The following PANK1 variants were observed in gnomAD, a reference collection of about 807,000 sequenced individuals.
The protein encoded by PANK1 is pantothenic acid kinase 1.
PANK1 carries 18 observed loss-of-function variants against 40.1 expected under a neutral mutation model. The ratio of observed to expected loss-of-function variants is 0.45; its 90% CI spans 0.31 to 0.67. The LOEUF is 0.67. PANK1 is among the 30% of genes least tolerant of loss of function. The pLI, the probability that PANK1 is intolerant of heterozygous loss-of-function variation, is 0.06. For synonymous variants in PANK1, 242 were observed against 237.7 expected, an observed-to-expected ratio of 1.02 and a Z score of -0.17; for missense variants, 457 against 599.6, an observed-to-expected ratio of 0.76 and a Z score of 2.48.
chr10:89,593,725 T>C, intron 4 of PANK1, 88 bp downstream of exon 4: 1 of 977,720 alleles, frequency 1.0e-6, no homozygotes, highest in Non-Finnish European at 1.6e-6. Context: ...GCTGGTGGAC[T>C]GACATTTTAA....
At chr10:89,620,624 C>T (rs553633028) in intron 1 of PANK1, among the ~76,000 whole-genome samples, 87 of 152,308 alleles carry the variant, frequency 5.7e-4, no homozygotes, top group African/African-American at 1.9e-3. Flanking sequence ...ATTCTAATTT[C>T]GCCCTGGCCT....
chr10:89,617,825 T>C (rs1845364189), intron 1 of PANK1, among the ~76,000 whole-genome samples: 1 of 152,154 alleles, frequency 6.6e-6, no homozygotes, highest in Non-Finnish European at 1.5e-5. Context: ...TGGAAATAAA[T>C]TGGAATAAAA....
At position 89,584,055 on chromosome 10, in the gene PANK1, C is replaced by T. The variant is rs1416785278; in HGVS notation, c.*351G>A. The T allele has an allele frequency of 5.0e-6, 1 of 198,964 alleles. No individual in the cohort carries two copies. The highest frequency in any genetic ancestry group is 1.0e-5 in the Non-Finnish European group (1 of 98,112). 12.3% of individuals were successfully genotyped at this position (198,964 alleles called of 1,614,324 possible). A position where few individuals can be genotyped will look rare whatever the true frequency, so the allele number is the denominator to read the frequency against. On this transcript the variant is annotated 3_prime_UTR_variant, in exon 7 of 7. Coordinates refer to ENST00000307534, the MANE Select transcript of PANK1 (RefSeq NM_148977.3). ...ATGAAGTTAAAATCACCACACTGAT[C>T]AGTAAACCCCAGAAGAAAAATGACC... is the stretch of plus-strand genomic sequence containing the variant.
intron 3 of PANK1, 88 bp downstream of exon 3, chr10:89,599,164 A>G: frequency 7.8e-7 from 1 of 1,282,988 alleles, no homozygotes; most frequent in Non-Finnish European, 1.1e-6. Flanking sequence ...ATTTCTTTTA[A>G]AAATGTATTC....
Position 89,611,859 on chromosome 10 carries a change from A to T in PANK1, c.482T>A (p.Leu161Gln). The T allele has an allele frequency of 6.2e-7, 1 of 1,614,260 alleles. No individual in the cohort carries two copies. The highest frequency in any genetic ancestry group is 8.5e-7 in the Non-Finnish European group (1 of 1,180,046). The change falls in exon 2 of 7, where the codon CTG (leucine) becomes CAG (glutamine). Residue 161 changes from leucine to glutamine, a missense_variant. This residue lies in a region of PANK1 where 286 missense variants were observed against 415.8 expected (regional missense o/e 0.69). Transcript: ENST00000307534. ...IRDVHLELKNLTMCGRKGNLH... is the reference protein window; with the variant it reads ...IRDVHLELKNQTMCGRKGNLH... ...GTTCCCTTTGCGTCCACACATGGTC[A>T]GGTTTTTCAGTTCCAGGTGGACGTC...
chr10:89,582,794 C>T (rs1417299829), downstream of PANK1: 1 of 152,128 alleles, frequency 6.6e-6, no homozygotes, highest in Non-Finnish European at 1.5e-5. Context: ...CAATAAAGCT[C>T]TATTTTAAAA....
chr10:89,623,004 T>C (rs1330413582), intron 1 of PANK1, among the ~76,000 whole-genome samples: 2 of 152,166 alleles, frequency 1.3e-5, no homozygotes, highest in Non-Finnish European at 2.9e-5. Flanking sequence ...TTTAATGATG[T>C]GAGACAAATG....
At chr10:89,590,915 A>G (rs966551223) in intron 5 of PANK1, among the ~76,000 whole-genome samples, 2 of 152,168 alleles carry the variant, frequency 1.3e-5, no homozygotes, top group Non-Finnish European at 1.5e-5. Context: ...AGAGAGGACC[A>G]GAGGGAGGAG....
chr10:89,606,501 C>A (rs185894011), intron 2 of PANK1, among the ~76,000 whole-genome samples: 1 of 152,226 alleles, frequency 6.6e-6, no homozygotes, highest in East Asian at 1.9e-4. Context: ...CACAAACCAA[C>A]AACCTCTGCT....
At chr10:89,613,490 A>G (rs986314011) in intron 1 of PANK1, among the ~76,000 whole-genome samples, 1 of 152,124 alleles carries the variant, frequency 6.6e-6, no homozygotes, top group African/African-American at 2.4e-5. Flanking sequence ...TGTAAACAAA[A>G]TCTTCTTTCC....
At chr10:89,623,328 T>A (rs1432535080) in intron 1 of PANK1, among the ~76,000 whole-genome samples, 1 of 152,136 alleles carries the variant, frequency 6.6e-6, no homozygotes, top group Non-Finnish European at 1.5e-5. Context: ...TTAACGCCAT[T>A]CTCCTGCCTT....
chr10:89,592,228 G>T (rs1351719092), intron 5 of PANK1, among the ~76,000 whole-genome samples: 3 of 152,168 alleles, frequency 2.0e-5, no homozygotes, highest in Non-Finnish European at 4.4e-5. Context: ...TCAGTGTTAT[G>T]CAAGGAGAGT....
intron 1 of PANK1, among the ~76,000 whole-genome samples, chr10:89,634,195 A>C (rs1457636612): frequency 6.6e-6 from 1 of 152,186 alleles, no homozygotes; most frequent in Admixed American, 6.5e-5. Context: ...TGGAAGCCTC[A>C]CCATACTGCT....
chr10:89,592,592 A>T (rs1452031445), intron 5 of PANK1, among the ~76,000 whole-genome samples: 1 of 152,166 alleles, frequency 6.6e-6, no homozygotes, highest in Non-Finnish European at 1.5e-5. Context: ...CAGTGTGAAG[A>T]GTTCTACTTT....
At chr10:89,625,052 T>C (rs1200499130) in intron 1 of PANK1, among the ~76,000 whole-genome samples, 14 of 152,170 alleles carry the variant, frequency 9.2e-5, no homozygotes, top group Admixed American at 9.2e-4. Flanking sequence ...GTGTGCACTC[T>C]ACCACTTCTG....
chr10:89,613,787 T>C (rs1845233435), intron 1 of PANK1, among the ~76,000 whole-genome samples: 1 of 152,196 alleles, frequency 6.6e-6, no homozygotes, highest in African/African-American at 2.4e-5. Context: ...ATGAAGTCTG[T>C]TGGTTTATTC....
chr10:89,589,064 T>G (rs183526930), intron 5 of PANK1, among the ~76,000 whole-genome samples: 11 of 152,292 alleles, frequency 7.2e-5, no homozygotes, highest in Admixed American at 6.5e-4. Flanking sequence ...TCTCAAAACA[T>G]ACGTATATAT....
intron 2 of PANK1, among the ~76,000 whole-genome samples, chr10:89,599,715 G>A (rs1844718429): frequency 6.6e-6 from 1 of 152,182 alleles, no homozygotes; most frequent in East Asian, 1.9e-4. Context: ...GCATGCTAAA[G>A]GACAAGAGCT....
intron 6 of PANK1, among the ~76,000 whole-genome samples, chr10:89,587,240 C>T (rs534668202): frequency 1.3e-4 from 20 of 152,186 alleles, no homozygotes; most frequent in Non-Finnish European, 2.6e-4. Context: ...ATAAGCTACT[C>T]TTAGTAGCCC....
Sources: gnomAD v4.1 joint callset for allele counts (sites outside exome capture counted in the v4.1 genomes callset) on GRCh38, gnomAD v4.1.1 for gene constraint, gnomAD v4.1.1 regional missense constraint, MANE v1.5 for transcripts, NCBI Gene and HGNC (gene_info 2026-07-23, HGNC 2026-07-21) for gene names.